The following SLC9A9 variants were observed in gnomAD, a reference collection of about 807,000 sequenced individuals.
SLC9A9 encodes solute carrier family 9 member A9.
A neutral mutation model predicts 77.8 loss-of-function variants in SLC9A9; 62 were observed. That is an observed-to-expected ratio of 0.80 (90% CI 0.65 to 0.98). The LOEUF (loss-of-function observed/expected upper bound fraction) is 0.98, where lower values mean the gene tolerates loss of function less well. Ranked by LOEUF, SLC9A9 falls within the 50% of genes least tolerant of loss-of-function variation. The pLI is 0.00. For missense variants in SLC9A9, 775 were observed against 774.9 expected (o/e 1.00, Z 0.00); for synonymous variants, 320 against 283.5 (o/e 1.13, Z -1.29).
intron 4 of SLC9A9, among the ~76,000 whole-genome samples, chr3:143,698,746 C>T (rs1366328266): frequency 6.6e-6 from 1 of 152,092 alleles, no homozygotes; most frequent in Non-Finnish European, 1.5e-5. Flanking sequence ...AATAGATCAC[C>T]CGAAAAGGCA....
chr3:143,377,444 G>C (rs1176076111), intron 13 of SLC9A9, among the ~76,000 whole-genome samples: 3 of 152,270 alleles, frequency 2.0e-5, no homozygotes, highest in Middle Eastern at 3.4e-3. Context: ...AGGTCCCTCT[G>C]TCAGTTATTG....
intron 12 of SLC9A9, among the ~76,000 whole-genome samples, chr3:143,411,928 GCAGA>G (rs2034103816): frequency 6.6e-6 from 1 of 152,152 alleles, no homozygotes; most frequent in Non-Finnish European, 1.5e-5. Flanking sequence ...TGAACAACAA[GCAGA>G]CAAACTGTTG....
chr3:143,481,393 G>A (rs2035571465), intron 11 of SLC9A9, among the ~76,000 whole-genome samples: 1 of 152,188 alleles, frequency 6.6e-6, no homozygotes, highest in African/African-American at 2.4e-5. Flanking sequence ...AAGGGTTCCA[G>A]GCATAAGGAG....
chr3:143,538,741 T>G (rs2036635859), intron 9 of SLC9A9, among the ~76,000 whole-genome samples: 1 of 152,122 alleles, frequency 6.6e-6, no homozygotes, highest in South Asian at 2.1e-4. Context: ...AGCAACATCT[T>G]CAGAAAGAGA....
At chr3:143,270,129 T>C (rs191235073) in intron 14 of SLC9A9, among the ~76,000 whole-genome samples, 1 of 152,186 alleles carries the variant, frequency 6.6e-6, no homozygotes, top group Non-Finnish European at 1.5e-5. Context: ...GCAATTCCAA[T>C]TGCAAATAGA....
intron 1 of SLC9A9, among the ~76,000 whole-genome samples, chr3:143,842,185 C>T (rs989866330): frequency 2.6e-5 from 4 of 152,266 alleles, no homozygotes; most frequent in East Asian, 1.9e-4. Context: ...TCAAGACCAT[C>T]CTGGCTAACA....
chr3:143,734,732 CAAA>C (rs532314682), intron 4 of SLC9A9, among the ~76,000 whole-genome samples: 670 of 66,126 alleles, frequency 0.01, 4 homozygotes, highest in African/African-American at 0.03. Flanking sequence ...GACTCCATCT[CAAA>C]AAAAAAAAAA....
At chr3:143,621,664 A>G (rs1247170056) in intron 6 of SLC9A9, among the ~76,000 whole-genome samples, 1 of 152,222 alleles carries the variant, frequency 6.6e-6, no homozygotes, top group Non-Finnish European at 1.5e-5. Context: ...AAAGATGGGG[A>G]AAAAACAGAG....
intron 9 of SLC9A9, among the ~76,000 whole-genome samples, chr3:143,525,935 A>G (rs2036396986): frequency 6.6e-6 from 1 of 152,240 alleles, no homozygotes; most frequent in African/African-American, 2.4e-5. Flanking sequence ...GATAAATGAA[A>G]TAGCTACAAA....
chr3:143,410,017 C>A (rs1008224981), intron 12 of SLC9A9, among the ~76,000 whole-genome samples: 1 of 152,154 alleles, frequency 6.6e-6, no homozygotes, highest in African/African-American at 2.4e-5. Flanking sequence ...TCACTTGTTT[C>A]CTAAGTAGGG....
intron 12 of SLC9A9, among the ~76,000 whole-genome samples, chr3:143,386,055 G>A (rs1000060504): frequency 6.6e-6 from 1 of 152,144 alleles, no homozygotes; most frequent in Non-Finnish European, 1.5e-5. Context: ...TCCAAGCACT[G>A]TCCTCCCTTC....
chr3:143,816,012 C>T (rs1211742412), intron 2 of SLC9A9, among the ~76,000 whole-genome samples: 1 of 152,176 alleles, frequency 6.6e-6, no homozygotes, highest in African/African-American at 2.4e-5. Flanking sequence ...ATGTTTTTCT[C>T]TTATTTTATG....
chr3:143,525,140 A>C (rs2036382911), intron 9 of SLC9A9, among the ~76,000 whole-genome samples: 1 of 152,242 alleles, frequency 6.6e-6, no homozygotes, highest in African/African-American at 2.4e-5. Context: ...TGGGTTACCT[A>C]TGTAAAAAAT....
intron 14 of SLC9A9, among the ~76,000 whole-genome samples, chr3:143,338,383 A>AT (rs2031988712): frequency 6.6e-6 from 1 of 152,182 alleles, no homozygotes; most frequent in African/African-American, 2.4e-5. Flanking sequence ...GAAAATCCTG[A>AT]CAAGCAGACA....
chr3:143,542,589 G>A (rs1161255102), intron 9 of SLC9A9, among the ~76,000 whole-genome samples: 1 of 152,138 alleles, frequency 6.6e-6, no homozygotes, highest in African/African-American at 2.4e-5. Flanking sequence ...CAGGAAACAC[G>A]CAAGTAATGG....
At chr3:143,299,965 TG>T (rs1047667876) in intron 14 of SLC9A9, among the ~76,000 whole-genome samples, 2 of 152,216 alleles carry the variant, frequency 1.3e-5, no homozygotes, top group African/African-American at 4.8e-5. Flanking sequence ...ATGTATGATT[TG>T]GAAAAAGCAT....
chr3:143,786,899 C>T (rs746817739), intron 4 of SLC9A9, among the ~76,000 whole-genome samples: 7 of 152,008 alleles, frequency 4.6e-5, no homozygotes, highest in Non-Finnish European at 1.0e-4. Context: ...GAGCAGCAGC[C>T]CAGACGTAGG....
chr3:143,333,372 T>A (rs2031832133), intron 14 of SLC9A9, among the ~76,000 whole-genome samples: 1 of 152,146 alleles, frequency 6.6e-6, no homozygotes. Context: ...ATTATTTGGA[T>A]TGTTTCAGAA....
chr3:143,532,483 A>G (rs189931023), intron 9 of SLC9A9, among the ~76,000 whole-genome samples: 1 of 152,358 alleles, frequency 6.6e-6, no homozygotes, highest in East Asian at 1.9e-4. Flanking sequence ...ATGGATATAT[A>G]CTTCTAAAAA....
Sources: gnomAD v4.1 joint callset for allele counts (sites outside exome capture counted in the v4.1 genomes callset) on GRCh38, gnomAD v4.1.1 for gene constraint, MANE v1.5 for transcripts, NCBI Gene and HGNC (gene_info 2026-07-23, HGNC 2026-07-21) for gene names.